The following PLEKHH1 variants were observed in gnomAD, a reference collection of about 807,000 sequenced individuals.
PLEKHH1 encodes the protein pleckstrin homology domain-containing family H member 1.
PLEKHH1 carries 104 observed loss-of-function variants against 160.0 expected under a neutral mutation model. The observed-to-expected ratio is 0.65, with a 90% confidence interval of 0.55 to 0.76. The LOEUF is 0.76. PLEKHH1 is among the 30% of genes least tolerant of loss of function. The pLI, the probability that PLEKHH1 is intolerant of heterozygous loss-of-function variation, is 0.00. For missense variants in PLEKHH1, 1,427 were observed against 1,724.1 expected (o/e 0.83, Z 3.05); for synonymous variants, 619 against 678.4 (o/e 0.91, Z 1.36).
chr14:67,567,853 G>A (rs2035180993), intron 7 of PLEKHH1, among the ~76,000 whole-genome samples: 1 of 146,296 alleles, frequency 6.8e-6, no homozygotes, highest in African/African-American at 2.8e-5. Context: ...CGTCAGCCTT[G>A]GTGACTCACG....
In PLEKHH1 at chr14:67,586,071, T is replaced by G; in HGVS notation, c.3907T>G (p.Leu1303Val). ...CTCTGGAAAAAGCCACATTGAGAAG[T>G]TGATCTTCCGGATGGCTGCTCCCAA... ...KSSGKSHIEKLIFRMAAPKIA... is the reference protein window; with the variant it reads ...KSSGKSHIEKVIFRMAAPKIA... The change falls in exon 28 of 29, where the codon TTG becomes GTG. Residue 1303 changes from leucine (L) to valine (V), a missense_variant. Around this residue, in one of 6 missense-constraint regions of PLEKHH1, gnomAD observed 96 missense variants for 97.6 expected, o/e 0.98. Coordinates refer to ENST00000329153, the MANE Select transcript of PLEKHH1 (RefSeq NM_020715.3). 1 of 1,613,994 alleles carries G rather than the reference T, an allele frequency of 6.2e-7. No homozygotes were observed. The highest frequency in any genetic ancestry group is 8.5e-7 in the Non-Finnish European group (1 of 1,179,876).
At chr14:67,559,004 C>T (rs1357964713) in intron 4 of PLEKHH1, among the ~76,000 whole-genome samples, 1 of 152,186 alleles carries the variant, frequency 6.6e-6, no homozygotes, top group Non-Finnish European at 1.5e-5. Flanking sequence ...GTTTGCCACA[C>T]CTTAAACTAG....
At chr14:67,555,336 G>A (rs1048921834) in intron 2 of PLEKHH1, among the ~76,000 whole-genome samples, 3 of 152,188 alleles carry the variant, frequency 2.0e-5, no homozygotes, top group Admixed American at 1.3e-4. Context: ...AGGTGCCCTC[G>A]ACTGTGGGTG....
intron 20 of PLEKHH1, 57 bp from the exon 21 acceptor site, chr14:67,579,077 T>C (rs1300425974): frequency 1.6e-6 from 2 of 1,262,396 alleles, no homozygotes; most frequent in East Asian, 4.7e-5. Context: ...GGATCCGGGG[T>C]GCCAAAGTGG....
At chr14:67,533,641 C>G (rs2033564625) in intron 1 of PLEKHH1, 1 of 152,148 alleles carries the variant, frequency 6.6e-6, no homozygotes. Flanking sequence ...AGTACCTGGA[C>G]TTGGGGATCG....
rs561809022 is a variant in PLEKHH1, at chr14:67,547,518, G to A, written c.126+5525G>A. On this transcript the variant is annotated intron_variant, in intron 2 of 28. Transcript: ENST00000329153. ...GGCCAGTTGCTACACGCACTGGGAG[G>A]AGCCATGTCAGTTGAGTCTCTGGCC... Among the ~76,000 whole-genome samples the A allele has an allele frequency of 2.4e-4, 37 of 152,288 alleles. No homozygotes were observed. In the South Asian group the frequency reaches 2.5e-3, roughly 10 times the overall value.
At position 67,574,142 on chromosome 14, in the gene PLEKHH1, C is replaced by T; in HGVS notation, c.1927-100C>T. 1 of 1,101,382 alleles carries T rather than the reference C, an allele frequency of 9.1e-7. No individual in the cohort carries two copies. The highest frequency in any genetic ancestry group is 1.3e-6 in the Non-Finnish European group (1 of 778,186). 68.2% of individuals were successfully genotyped at this position (1,101,382 alleles called of 1,614,324 possible). A position where few individuals can be genotyped will look rare whatever the true frequency, so the allele number is the denominator to read the frequency against. ...GGGAGCACTAGGGCAGGCAGAAGGC[C>T]AGCCCCTTGGGTTCAGGGACAGGTG... On this transcript the variant is annotated intron_variant, in intron 13 of 28. Coordinates refer to ENST00000329153, the MANE Select transcript of PLEKHH1 (RefSeq NM_020715.3). The surrounding 1 kb of genome is among the most constrained non-coding windows in gnomAD (Gnocchi z 4.2).
At chr14:67,571,465 C>A in intron 9 of PLEKHH1, 1 of 349,874 alleles carries the variant, frequency 2.9e-6, no homozygotes, top group Non-Finnish European at 5.4e-6. Context: ...CTTTCTGGCC[C>A]CCTAGTGGCA....
At chr14:67,533,665 G>A (rs1403411283) in intron 1 of PLEKHH1, 1 of 152,126 alleles carries the variant, frequency 6.6e-6, no homozygotes, top group Non-Finnish European at 1.5e-5. Context: ...AGATCCAGCC[G>A]CTCCTGGGAA....
intron 2 of PLEKHH1, among the ~76,000 whole-genome samples, chr14:67,548,341 A>G (rs1209781984): frequency 6.6e-6 from 1 of 152,232 alleles, no homozygotes; most frequent in Admixed American, 6.5e-5. Context: ...TAGAACTAAT[A>G]CAAGGTTTTT....
intron 1 of PLEKHH1, among the ~76,000 whole-genome samples, chr14:67,536,259 G>A (rs2033712318): frequency 6.6e-6 from 1 of 151,816 alleles, no homozygotes; most frequent in South Asian, 2.1e-4. Flanking sequence ...TCAGATGACA[G>A]TGCTGAGATC....
At chr14:67,571,641 G>A (rs992796697) in intron 9 of PLEKHH1, 111 bp from the exon 10 acceptor site, 60 of 1,055,394 alleles carry the variant, frequency 5.7e-5, no homozygotes, top group Non-Finnish European at 7.9e-5. Flanking sequence ...TCAGAGTCCC[G>A]GCTGGGGGTT....
rs747914209 is a variant in PLEKHH1, at chr14:67,585,927, C to A, written c.3787-24C>A. 7 of 1,600,390 alleles carry A rather than the reference C, an allele frequency of 4.4e-6. No homozygotes were observed. In the Admixed American group the frequency reaches 5.1e-5, roughly 12 times the overall value. On this transcript the variant is annotated intron_variant, in intron 27 of 28. Coordinates refer to ENST00000329153, the MANE Select transcript of PLEKHH1 (RefSeq NM_020715.3). ...AGGGGACAGGTGGAAAGTTTCCCCA[C>A]AACTGACTGGTTCCTTTCCACAGCA...
intron 14 of PLEKHH1, 46 bp from the exon 15 acceptor site, chr14:67,575,346 T>C: frequency 8.6e-7 from 1 of 1,162,172 alleles, no homozygotes; most frequent in South Asian, 1.4e-5. Context: ...GATTTACTTC[T>C]AGAGTTACCT....
At chr14:67,587,000 G>A (rs2036200056) in intron 28 of PLEKHH1, 74 bp from the exon 29 acceptor site, 1 of 1,527,084 alleles carries the variant, frequency 6.5e-7, no homozygotes, top group African/African-American at 1.4e-5. Context: ...CTCAGCATAA[G>A]AGCTAATAAG....
At chr14:67,577,933 C>T (rs1223039800) in intron 18 of PLEKHH1, 90 bp from the exon 19 acceptor site, 7 of 1,222,938 alleles carry the variant, frequency 5.7e-6, no homozygotes, top group Non-Finnish European at 8.2e-6. Context: ...ACTCTAACCT[C>T]CCTGGAGCCC....
chr14:67,586,343 A>G (rs1295278346), intron 28 of PLEKHH1: 2 of 1,434,938 alleles, frequency 1.4e-6, no homozygotes, highest in East Asian at 2.8e-5. Context: ...TATGCTCTTC[A>G]CTTTTTCTTT....
At position 67,588,982 on chromosome 14, in the gene PLEKHH1, C is replaced by T. The variant is rs1210225885; in HGVS notation, c.*1747C>T. 1 of 152,662 alleles carries T rather than the reference C, an allele frequency of 6.6e-6. No homozygotes were observed. The highest frequency in any genetic ancestry group is 1.5e-5 in the Non-Finnish European group (1 of 68,034). 9.5% of individuals were successfully genotyped at this position (152,662 alleles called of 1,614,324 possible). On this transcript the variant is annotated 3_prime_UTR_variant, in exon 29 of 29. Coordinates refer to ENST00000329153, the MANE Select transcript of PLEKHH1 (RefSeq NM_020715.3). The stretch of plus-strand genomic sequence containing the variant: ...ATTTCTGTTCACACTTTTCACCCCA[C>T]AACTTGGGGATCTAGCTGAGACATT...
intron 7 of PLEKHH1, among the ~76,000 whole-genome samples, chr14:67,568,820 A>G (rs2035233024): frequency 1.3e-5 from 2 of 151,174 alleles, no homozygotes; most frequent in African/African-American, 4.9e-5. Flanking sequence ...CTTCTCTTGA[A>G]CCTCCTTTGC....
Sources: allele counts gnomAD v4.1 joint callset (sites outside exome capture counted in the v4.1 genomes callset), GRCh38; gene constraint gnomAD v4.1.1; regional missense constraint gnomAD v4.1.1; non-coding constraint Gnocchi (gnomAD v3.1); transcripts MANE v1.5; gene names NCBI Gene and HGNC (gene_info 2026-07-23, HGNC 2026-07-21).